SYNPR: variants seen among roughly 807,000 people sequenced by gnomAD.
The protein encoded by SYNPR is synaptoporin.
SYNPR carries 23 observed loss-of-function variants against 32.9 expected under a neutral mutation model. That is an observed-to-expected ratio of 0.70 (90% CI 0.50 to 0.99). SYNPR has a LOEUF of 0.99. Ranked by LOEUF, SYNPR falls within the 50% of genes least tolerant of loss-of-function variation. The pLI, the probability that SYNPR is intolerant of heterozygous loss-of-function variation, is 0.00. For synonymous variants in SYNPR, 146 were observed against 135.9 expected (o/e 1.07, Z -0.52); for missense variants, 318 against 349.3 (o/e 0.91, Z 0.71).
chr3:63,457,268 A>G (rs929115015), intron 2 of SYNPR, among the ~76,000 whole-genome samples: 8 of 152,152 alleles, frequency 5.3e-5, no homozygotes, highest in African/African-American at 1.9e-4. Context: ...CCCTCCCACA[A>G]GGACAGTTTT....
At chr3:63,283,077 T>TAA (rs1270744848) in intron 2 of SYNPR, among the ~76,000 whole-genome samples, 1 of 152,160 alleles carries the variant, frequency 6.6e-6, no homozygotes, top group East Asian at 1.9e-4. Context: ...TAAACTGTGG[T>TAA]ATGCAGGAAG....
chr3:63,595,790 TATATATATAGTTA>T lies in SYNPR; in HGVS notation c.409-13334_409-13322del, dbSNP rs1235132327. Among the ~76,000 whole-genome samples the T allele has an allele frequency of 1.7e-3, 99 of 57,082 alleles. 6 individuals carry two copies. Among genetic ancestry groups the T allele is most frequent in the South Asian group, 3.2e-3 (5 of 1,552 alleles). 37.4% of individuals were successfully genotyped at this position (57,082 alleles called of 152,430 possible). On this transcript the variant is annotated intron_variant, in intron 4 of 5. Coordinates refer to ENST00000478300, the MANE Select transcript of SYNPR (RefSeq NM_001130003.2). ...ATATAATTTTATATATATATAGTTA[TATATATATAGTTA>T]TATATATATATAGTTTTATATATAT...
At chr3:63,545,427 G>A (rs1702382685) in intron 3 of SYNPR, 1 of 152,050 alleles carries the variant, frequency 6.6e-6, no homozygotes, top group East Asian at 1.9e-4. Context: ...AGGCTATTTA[G>A]AAAATTATTA....
At chr3:63,350,360 G>A (rs969469150) in intron 2 of SYNPR, among the ~76,000 whole-genome samples, 1 of 152,082 alleles carries the variant, frequency 6.6e-6, no homozygotes, top group Non-Finnish European at 1.5e-5. Context: ...CACTCTCATT[G>A]GACCTGCTAC....
At chr3:63,510,319 G>A (rs1701671932) in intron 3 of SYNPR, among the ~76,000 whole-genome samples, 1 of 152,086 alleles carries the variant, frequency 6.6e-6, no homozygotes, top group Admixed American at 6.6e-5. Flanking sequence ...TGAATGGAGA[G>A]AACAATGGAA....
At chr3:63,205,121 T>G in the SYNPR span, among the ~76,000 whole-genome samples, 1 of 152,204 alleles carries the variant, frequency 6.6e-6, no homozygotes, top group Non-Finnish European at 1.5e-5. Flanking sequence ...CAACAGACCT[T>G]GCCAGACTTG....
At chr3:63,494,871 C>G (rs911627226) in intron 3 of SYNPR, among the ~76,000 whole-genome samples, 5 of 152,110 alleles carry the variant, frequency 3.3e-5, no homozygotes, top group Non-Finnish European at 4.4e-5. Context: ...GTTGACAAGT[C>G]CCCACAATTG....
intron 3 of SYNPR, among the ~76,000 whole-genome samples, chr3:63,515,607 A>G (rs1363148614): frequency 6.6e-6 from 1 of 152,114 alleles, no homozygotes; most frequent in Non-Finnish European, 1.5e-5. Context: ...GGGTATATTC[A>G]TGTGTTTTGG....
At chr3:63,287,933 T>C (rs1306626788) in intron 2 of SYNPR, among the ~76,000 whole-genome samples, 1 of 152,164 alleles carries the variant, frequency 6.6e-6, no homozygotes, top group African/African-American at 2.4e-5. Flanking sequence ...AGGTCTCATA[T>C]CTTGGGTTCA....
chr3:63,519,134 T>G (rs1005893945), intron 3 of SYNPR, among the ~76,000 whole-genome samples: 77 of 152,328 alleles, frequency 5.1e-4, no homozygotes, highest in African/African-American at 1.7e-3. Context: ...GTGGATTAGT[T>G]TTTTGATGTG....
intron 2 of SYNPR, among the ~76,000 whole-genome samples, chr3:63,340,480 C>T (rs985366535): frequency 6.6e-5 from 9 of 135,490 alleles, no homozygotes; most frequent in South Asian, 2.3e-4. Flanking sequence ...AGTGCAGTGG[C>T]GGGATCTCGG....
At chr3:63,225,092 T>C (rs1442197295), upstream of SYNPR, among the ~76,000 whole-genome samples, 1 of 152,176 alleles carries the variant, frequency 6.6e-6, no homozygotes, top group Non-Finnish European at 1.5e-5. Context: ...AAGTTTCACC[T>C]GTGGGAGCCA....
At position 63,361,472 on chromosome 3, in the gene SYNPR, C is replaced by T. The variant is rs562786474; in HGVS notation, c.84+82730C>T. On this transcript the variant is annotated intron_variant, in intron 2 of 5. Transcript: ENST00000478300. ...AATTAGCTGGGCATGGTGGCGGGCT[C>T]CTGTAGTCGCAGCTACTCAGGAGGC... is the stretch of plus-strand genomic sequence containing the variant. Among the ~76,000 whole-genome samples the T allele has an allele frequency of 3.0e-4, 45 of 151,986 alleles. No individual in the cohort carries two copies. The South Asian group carries it at 8.7e-3, about 29-fold the overall frequency.
At chr3:63,349,592 G>T (rs1422109873) in intron 2 of SYNPR, among the ~76,000 whole-genome samples, 5 of 152,190 alleles carry the variant, frequency 3.3e-5, no homozygotes, top group Middle Eastern at 3.4e-3. Flanking sequence ...CTGCCTTCTC[G>T]ATTTTGTTCT....
Position 63,399,434 on chromosome 3 carries a change from A to G in SYNPR, c.85-81398A>G, listed in dbSNP as rs111302488. 1.7e-3 allele frequency among the ~76,000 whole-genome samples: 253 copies of G among 152,242 alleles called. 4 individuals carry two copies. Among genetic ancestry groups the G allele is most frequent in the Middle Eastern group, 0.01 (3 of 294 alleles). ...ACTTTATTTAGAAATAACTTTAGTT[A>G]TTTCTATAGGCGGTCTGGAAGTCCA... is the stretch of plus-strand genomic sequence containing the variant. On this transcript the variant is annotated intron_variant, in intron 2 of 5. Transcript: ENST00000478300.
At chr3:63,371,978 T>C (rs1024515244) in intron 2 of SYNPR, among the ~76,000 whole-genome samples, 1 of 152,068 alleles carries the variant, frequency 6.6e-6, no homozygotes, top group Non-Finnish European at 1.5e-5. Context: ...CTCTCTTCCC[T>C]GCAAGCCCTC....
intron 2 of SYNPR, among the ~76,000 whole-genome samples, chr3:63,338,723 G>A (rs1004749868): frequency 3.9e-5 from 6 of 152,182 alleles, no homozygotes; most frequent in Non-Finnish European, 5.9e-5. Flanking sequence ...AGTGACCCAC[G>A]ATCTGAACAC....
intron 2 of SYNPR, among the ~76,000 whole-genome samples, chr3:63,385,078 C>A (rs1321634713): frequency 6.6e-6 from 1 of 152,122 alleles, no homozygotes; most frequent in African/African-American, 2.4e-5. Context: ...CTTCAGTCAT[C>A]TACCCTACTT....
intron 4 of SYNPR, among the ~76,000 whole-genome samples, chr3:63,598,338 T>C (rs1159505431): frequency 6.6e-6 from 1 of 152,144 alleles, no homozygotes; most frequent in Non-Finnish European, 1.5e-5. Flanking sequence ...CCAAGATTCA[T>C]ACTATTAATT....
Sources: gnomAD v4.1 joint callset for allele counts (sites outside exome capture counted in the v4.1 genomes callset) on GRCh38, gnomAD v4.1.1 for gene constraint, MANE v1.5 for transcripts, NCBI Gene and HGNC (gene_info 2026-07-23, HGNC 2026-07-21) for gene names.